Variants in PUM1 observed in about 807,000 individuals in gnomAD.
The protein encoded by PUM1 is pumilio RNA binding family member 1, also known as pumilio homolog 1.
In PUM1, 13 loss-of-function variants were observed where a neutral mutation model predicts 131.8. The observed-to-expected ratio is 0.10, with a 90% CI of 0.06 to 0.16. The LOEUF (loss-of-function observed/expected upper bound fraction) is 0.16. PUM1 is among the 10% of genes least tolerant of loss of function. The pLI, the probability that PUM1 is intolerant of heterozygous loss-of-function variation, is 1.00. For synonymous variants in PUM1, 509 were observed against 556.5 expected (o/e 0.91, Z 1.20); for missense variants, 961 against 1,512.4 (o/e 0.64, Z 6.05).
At chr1:30,980,467 C>A (rs371634798) in intron 8 of PUM1, among the ~76,000 whole-genome samples, 1 of 152,028 alleles carries the variant, frequency 6.6e-6, no homozygotes, top group Non-Finnish European at 1.5e-5. Context: ...TACAATAGAA[C>A]AATTTTAAAG....
intron 5 of PUM1, among the ~76,000 whole-genome samples, chr1:31,005,022 A>G (rs1471123931): frequency 6.6e-6 from 1 of 152,252 alleles, no homozygotes; most frequent in African/African-American, 2.4e-5. Context: ...AAGAAGATTC[A>G]TGTGCCTCTC....
At chr1:31,058,453 G>T (rs1184520227) in intron 2 of PUM1, among the ~76,000 whole-genome samples, 2 of 152,028 alleles carry the variant, frequency 1.3e-5, no homozygotes, top group East Asian at 3.9e-4. Flanking sequence ...GAGGTCAGGA[G>T]ATAGAGACCA....
intron 2 of PUM1, among the ~76,000 whole-genome samples, chr1:31,032,575 A>T (rs1643469798): frequency 1.3e-5 from 2 of 150,896 alleles, no homozygotes; most frequent in Admixed American, 6.6e-5. Flanking sequence ...TTTTTTTAAA[A>T]AAAAAAAAAA....
chr1:31,062,619 CAA>C (rs9331237), intron 1 of PUM1, among the ~76,000 whole-genome samples: 37,570 of 116,912 alleles, frequency 0.32, 5,216 homozygotes, highest in Non-Finnish European at 0.38. Context: ...GACTCCATCT[CAA>C]AAAAAAAAAA....
At chr1:31,027,608 T>G (rs1244674675) in intron 3 of PUM1, among the ~76,000 whole-genome samples, 1 of 152,170 alleles carries the variant, frequency 6.6e-6, no homozygotes, top group Non-Finnish European at 1.5e-5. Flanking sequence ...GATAGGACAC[T>G]GGACTCTGTG....
At chr1:31,044,294 G>A (rs1242962387) in intron 2 of PUM1, among the ~76,000 whole-genome samples, 6 of 152,180 alleles carry the variant, frequency 3.9e-5, no homozygotes, top group Admixed American at 6.5e-5. Context: ...CCAGCTACTC[G>A]GGAGGCTGAG....
chr1:30,989,089 T>C (rs2124481000), intron 7 of PUM1, among the ~76,000 whole-genome samples: 1 of 152,288 alleles, frequency 6.6e-6, no homozygotes, highest in South Asian at 2.1e-4. Flanking sequence ...TCATTTCCTA[T>C]AGGCAACACA....
chr1:31,036,155 T>C (rs1298139983), intron 2 of PUM1, among the ~76,000 whole-genome samples: 1 of 151,960 alleles, frequency 6.6e-6, no homozygotes, highest in Non-Finnish European at 1.5e-5. Flanking sequence ...CTGCAACCCC[T>C]GCCTCCCGAG....
At chr1:31,019,980 G>A (rs78048452) in intron 3 of PUM1, among the ~76,000 whole-genome samples, 5,089 of 152,090 alleles carry the variant, frequency 0.033, 210 homozygotes, top group East Asian at 0.18. Context: ...GTGTGATGCT[G>A]AGATTTGGGC....
At chr1:30,939,756 G>A (rs533816411) in intron 20 of PUM1, among the ~76,000 whole-genome samples, 82 of 152,250 alleles carry the variant, frequency 5.4e-4, no homozygotes, top group African/African-American at 1.9e-3. Context: ...TACTTAGGAG[G>A]TTGAGGTGGG....
intron 10 of PUM1, among the ~76,000 whole-genome samples, chr1:30,972,113 G>C (rs1468952237): frequency 6.6e-6 from 1 of 150,710 alleles, no homozygotes; most frequent in African/African-American, 2.5e-5. Flanking sequence ...AAACTAGCCA[G>C]GTATGGTGGC....
In PUM1 at chr1:30,936,846, A is replaced by G. The variant is rs1639227669; in HGVS notation, c.3243-11T>C. 6.3e-7 allele frequency: 1 copy of G among 1,593,890 alleles called. No individual in the cohort carries two copies. Among genetic ancestry groups the G allele is most frequent in the Non-Finnish European group, 8.6e-7 (1 of 1,165,540 alleles). On this transcript the variant is annotated splice_polypyrimidine_tract_variant and intron_variant, in intron 20 of 21. Transcript: ENST00000426105. ...TTCTCCACAACATTGCTGTAATGAG[A>G]TAAAACCAGGGACAACTCTTACAAG...
chr1:30,950,208 G>A lies in PUM1; in HGVS notation c.2775C>T (p.Val925=). 6.2e-7 allele frequency: 1 copy of A among 1,614,058 alleles called. No homozygotes were observed. Among genetic ancestry groups the A allele is most frequent in the East Asian group, 2.2e-5 (1 of 44,882 alleles). Reference sequence around the variant, plus strand: ...CATACATCTGTAGTGCCAATGACAGGACGTGGCCTCGAATCCGTTCTGCCA... The same window carrying A: ...CATACATCTGTAGTGCCAATGACAGAACGTGGCCTCGAATCCGTTCTGCCA... ...LALAERIRGH[V]LSLALQMYGC... Residue 925 remains valine (V), a synonymous_variant, in exon 17 of 22, where the codon GTC becomes GTT. Transcript: ENST00000426105.
intron 2 of PUM1, among the ~76,000 whole-genome samples, chr1:31,040,559 T>C (rs1643782753): frequency 6.6e-6 from 1 of 152,088 alleles, no homozygotes; most frequent in African/African-American, 2.4e-5. Context: ...AAACTACAAA[T>C]ACTTTAGTAT....
intron 14 of PUM1, among the ~76,000 whole-genome samples, chr1:30,958,042 A>G (rs1287821473): frequency 6.6e-6 from 1 of 152,186 alleles, no homozygotes; most frequent in East Asian, 1.9e-4. Context: ...CAAAATATTC[A>G]TTTCAATTCA....
At chr1:30,949,492 C>CT (rs1639836037) in intron 17 of PUM1, among the ~76,000 whole-genome samples, 1 of 148,564 alleles carries the variant, frequency 6.7e-6, no homozygotes, top group Non-Finnish European at 1.5e-5. Flanking sequence ...TCTTCCCTGT[C>CT]TAACTCTTCT....
intron 3 of PUM1, among the ~76,000 whole-genome samples, chr1:31,026,944 CA>C (rs35459131): frequency 0.13 from 14,320 of 106,382 alleles, 758 homozygotes; most frequent in East Asian, 0.33. Flanking sequence ...ACATATACCA[CA>C]AAAAAAAAAA....
chr1:31,041,731 G>T (rs951537273), intron 2 of PUM1, among the ~76,000 whole-genome samples: 3 of 152,110 alleles, frequency 2.0e-5, no homozygotes, highest in African/African-American at 4.8e-5. Flanking sequence ...AGTGTCCTGA[G>T]GCCTCACCAG....
chr1:31,024,410 A>G (rs1397231798), intron 3 of PUM1, among the ~76,000 whole-genome samples: 1 of 152,218 alleles, frequency 6.6e-6, no homozygotes, highest in African/African-American at 2.4e-5. Context: ...AGGTTATCCT[A>G]ATTCCTGTGA....
Sources: allele counts gnomAD v4.1 joint callset (sites outside exome capture counted in the v4.1 genomes callset), GRCh38; gene constraint gnomAD v4.1.1; transcripts MANE v1.5; gene names NCBI Gene and HGNC (gene_info 2026-07-23, HGNC 2026-07-21).